PHLDB1: variants seen among roughly 807,000 people sequenced by gnomAD.
PHLDB1 encodes the protein pleckstrin homology-like domain family B member 1.
A neutral mutation model predicts 139.3 loss-of-function variants in PHLDB1; 65 were observed. The observed-to-expected ratio is 0.47, with a 90% confidence interval of 0.38 to 0.57. The LOEUF is 0.57. Among genes scored for constraint, PHLDB1 ranks in the 20% least tolerant of loss-of-function variants. The pLI is 0.00. For missense variants in PHLDB1, 1,624 were observed against 1,839.7 expected (o/e 0.88, Z 2.14); for synonymous variants, 679 against 734.5 (o/e 0.92, Z 1.22).
At chr11:118,619,200 A>C (rs1287349662) in intron 4 of PHLDB1, among the ~76,000 whole-genome samples, 1 of 152,176 alleles carries the variant, frequency 6.6e-6, no homozygotes, top group African/African-American at 2.4e-5. Context: ...GAGGACCCAG[A>C]AAGCCACCAG....
intron 13 of PHLDB1, chr11:118,643,405 A>G: frequency 6.5e-6 from 3 of 460,758 alleles, no homozygotes; most frequent in Non-Finnish European, 8.6e-6. Flanking sequence ...TTTTGCAGAT[A>G]AGGAAGCCAA....
In PHLDB1 at chr11:118,655,663, C is replaced by T. The variant is rs782751865; in HGVS notation, c.3933C>T (p.Tyr1311=). The change falls in exon 21 of 23, where the codon TAC becomes TAT. Residue 1311 remains tyrosine, a synonymous_variant. Transcript: ENST00000600882. ...ATTTCCAGGCCATTGAGGAAGTGTA[C>T]TACGACCACCTGCGCAGTGCAGCCA... The part of the protein sequence containing the change: ...VIYFQAIEEV[Y]YDHLRSAAKK... 6.2e-7 allele frequency: 1 copy of T among 1,613,056 alleles called. No homozygotes were observed. The highest frequency in any genetic ancestry group is 8.5e-7 in the Non-Finnish European group (1 of 1,179,160).
In PHLDB1 at chr11:118,631,056, G is replaced by C. The variant is rs1172871610; in HGVS notation, c.1828-151G>C. 24 of 601,234 alleles carry C rather than the reference G, an allele frequency of 4.0e-5. No homozygotes were observed. The Admixed American group carries it at 7.6e-4, about 19-fold the overall frequency. 37.2% of individuals were successfully genotyped at this position (601,234 alleles called of 1,614,324 possible). ...ACCTTGTTTCCCTCTGCCTCCCCTA[G>C]GTCTTGGGGTCAGGCCTCTCCTGAC... On this transcript the variant is annotated intron_variant, in intron 6 of 22. Coordinates refer to ENST00000600882, the MANE Select transcript of PHLDB1 (RefSeq NM_001144758.3).
chr11:118,655,808 T>A, intron 21 of PHLDB1, 52 bp from the exon 22 acceptor site: 1 of 1,564,332 alleles, frequency 6.4e-7, no homozygotes, highest in Non-Finnish European at 8.8e-7. Context: ...TCCAACCCAG[T>A]CCTTGTTCTC....
chr11:118,636,591 AAGACAAGTGCTGTTATTCCCATTTTAT>A (rs1222611895), intron 10 of PHLDB1: 4 of 152,192 alleles, frequency 2.6e-5, no homozygotes, highest in Non-Finnish European at 5.9e-5. Flanking sequence ...ACGGTATCAC[AAGACAAGTGCTGTTATTCCCATTTTAT>A]AGACAAGGAA....
At chr11:118,625,137 C>T (rs1208731846) in intron 5 of PHLDB1, 78 bp downstream of exon 5, 3 of 1,484,924 alleles carry the variant, frequency 2.0e-6, no homozygotes, top group Non-Finnish European at 2.7e-6. Context: ...TTCAGCCACA[C>T]TTGGAGTGTT....
chr11:118,643,543 G>A (rs1453335615), intron 13 of PHLDB1: 2 of 985,300 alleles, frequency 2.0e-6, no homozygotes, highest in Admixed American at 1.2e-4. Flanking sequence ...ATCCTTGCAT[G>A]GGTCTGTTTA....
Position 118,635,428 on chromosome 11 carries a change from T to C in PHLDB1, c.2415T>C (p.Phe805=). The change falls in exon 10 of 23, where the codon TTT becomes TTC. Residue 805 remains phenylalanine, a synonymous_variant. Coordinates refer to ENST00000600882, the MANE Select transcript of PHLDB1 (RefSeq NM_001144758.3). ...AEALETETKL[F]EDLEFQQLER... is the part of the protein sequence containing the mutation. ...CCCTGGAGACTGAGACAAAGCTCTT[T>C]GAGGACTTGGAGTTCCAGCAGTTGG... 1 of 1,610,316 alleles carries C rather than the reference T, an allele frequency of 6.2e-7. No homozygotes were observed. Among genetic ancestry groups the C allele is most frequent in the Non-Finnish European group, 8.5e-7 (1 of 1,178,598 alleles).
Position 118,632,044 on chromosome 11 carries a change from A to G in PHLDB1, c.2232A>G (p.Ser744=), listed in dbSNP as rs1555111529. The change falls in exon 8 of 23, where the codon TCA becomes TCG. Residue 744 remains serine, a synonymous_variant. Coordinates refer to ENST00000600882, the MANE Select transcript of PHLDB1 (RefSeq NM_001144758.3). This position sits in a 1 kb window ranked among gnomAD's most constrained non-coding sequence, Gnocchi z 5.9. ...AGCTAGAGCAGCAGCTGCAGGAGTC[A>G]GCCCGAGAGGTGAGCCGTGAAGTCC... ...VKELEQQLQE[S]AREAEMERAL... 3 of 1,613,878 alleles carry G rather than the reference A, an allele frequency of 1.9e-6. No individual in the cohort carries two copies. The Admixed American group carries it at 5.0e-5, about 27-fold the overall frequency.
intron 20 of PHLDB1, chr11:118,651,994 C>G (rs1336394980): frequency 6.6e-6 from 1 of 152,082 alleles, no homozygotes; most frequent in East Asian, 1.9e-4. Flanking sequence ...ATTAAATGTC[C>G]TAGTTGGGAA....
Position 118,613,907 on chromosome 11 carries a change from T to A in PHLDB1, c.60+11T>A. 6.4e-7 allele frequency: 1 copy of A among 1,573,438 alleles called. No homozygotes were observed. The highest frequency in any genetic ancestry group is 1.1e-5 in the South Asian group (1 of 89,690). Reference sequence around the variant, plus strand: ...CAGACCATGGTGCAGGTGAGTGGGATCAGGGCTGTGAGGCAAGAGAGATAT... The same window carrying A: ...CAGACCATGGTGCAGGTGAGTGGGAACAGGGCTGTGAGGCAAGAGAGATAT... On this transcript the variant is annotated intron_variant, in intron 2 of 22. Coordinates refer to ENST00000600882, the MANE Select transcript of PHLDB1 (RefSeq NM_001144758.3).
chr11:118,622,783 G>T (rs1238335196), intron 4 of PHLDB1, among the ~76,000 whole-genome samples: 2 of 152,162 alleles, frequency 1.3e-5, no homozygotes, highest in East Asian at 3.8e-4. Context: ...GGCTCTTTCT[G>T]AAACAGCTGT....
rs782648762 is a variant in PHLDB1, at chr11:118,624,921, G to T, written c.356-13G>T. 1.2e-6 allele frequency: 2 copies of T among 1,613,812 alleles called. No homozygotes were observed. The highest frequency in any genetic ancestry group is 1.7e-6 in the Non-Finnish European group (2 of 1,179,894). ...CACCACACCTGGTCTTCAAGTGTTT[G>T]CTTTCTCTGCAGGCTGCATGTTGTG... On this transcript the variant is annotated splice_polypyrimidine_tract_variant and intron_variant, in intron 4 of 22. Coordinates refer to ENST00000600882, the MANE Select transcript of PHLDB1 (RefSeq NM_001144758.3).
chr11:118,609,465 CCACACACACAGCCCAGCT>C (rs1555081858), intron 1 of PHLDB1, among the ~76,000 whole-genome samples: 2 of 142,024 alleles, frequency 1.4e-5, no homozygotes, highest in Non-Finnish European at 3.1e-5. Context: ...ACAGCCCCAG[CCACACACACAGCCCAGCT>C]CACACACGCA....
chr11:118,644,223 G>A (rs1177709328), intron 15 of PHLDB1, 49 bp downstream of exon 15: 5 of 1,341,992 alleles, frequency 3.7e-6, no homozygotes, highest in Non-Finnish European at 5.3e-6. Context: ...GGGACCCTGG[G>A]TAGTTGCCAT....
chr11:118,610,498 G>A lies in PHLDB1; in HGVS notation c.-22+2799G>A. ...GCCACAGCCATGCACCGCTTGGGCC[G>A]AGGCCGAGGCCGACCCCCAGGGACA... On this transcript the variant is annotated intron_variant, in intron 1 of 22. Coordinates refer to ENST00000600882, the MANE Select transcript of PHLDB1 (RefSeq NM_001144758.3). The surrounding 1 kb of genome is among the most constrained non-coding windows in gnomAD (Gnocchi z 8.7). The A allele has an allele frequency of 1.0e-6, 1 of 969,288 alleles. No homozygotes were observed. Among genetic ancestry groups the A allele is most frequent in the Non-Finnish European group, 1.2e-6 (1 of 815,242 alleles). The allele number at this position is 969,288 out of a possible 1,614,324, so 60.0% of individuals were successfully genotyped here. A position where few individuals can be genotyped will look rare whatever the true frequency, so the allele number is the denominator to read the frequency against.
intron 7 of PHLDB1, 123 bp from the exon 8 acceptor site, chr11:118,631,790 T>A: frequency 8.5e-7 from 1 of 1,179,236 alleles, no homozygotes; most frequent in Non-Finnish European, 1.2e-6. Context: ...GGGCAGGGAA[T>A]TAGCCTCCTG....
intron 4 of PHLDB1, 78 bp downstream of exon 4, chr11:118,616,289 T>C: frequency 7.4e-7 from 1 of 1,345,692 alleles, no homozygotes; most frequent in Non-Finnish European, 1.0e-6. Flanking sequence ...AGGCTGGCTG[T>C]GGTGGTTGCC....
In PHLDB1 at chr11:118,628,440, C is replaced by T. The variant is rs1555106474; in HGVS notation, c.1617C>T (p.Ser539=). 1 of 1,609,572 alleles carries T rather than the reference C, an allele frequency of 6.2e-7. No individual in the cohort carries two copies. The highest frequency in any genetic ancestry group is 2.2e-5 in the East Asian group (1 of 44,680). ...PHKGSFSGRL[S]PAYSLGSLTG... ...AGGGCAGCTTCAGTGGCAGGCTGAG[C>T]CCAGCCTACAGTCTGGGCTCTCTTA... Residue 539 remains serine (S), a synonymous_variant, in exon 6 of 23, where the codon AGC becomes AGT. Transcript: ENST00000600882.
Sources: gnomAD v4.1 joint callset for allele counts (sites outside exome capture counted in the v4.1 genomes callset) on GRCh38, gnomAD v4.1.1 for gene constraint, Gnocchi (gnomAD v3.1) non-coding constraint, MANE v1.5 for transcripts, NCBI Gene and HGNC (gene_info 2026-07-23, HGNC 2026-07-21) for gene names.